NRG3: variants seen among roughly 807,000 people sequenced by gnomAD.
NRG3 encodes the protein neuregulin 3.
In NRG3, 31 loss-of-function variants were observed where a neutral mutation model predicts 66.9. The ratio of observed to expected loss-of-function variants is 0.46; its 90% CI spans 0.35 to 0.63. NRG3 has a LOEUF of 0.63. NRG3 is among the 20% of genes least tolerant of loss of function. NRG3 has a pLI of 0.00. For missense variants in NRG3, 910 were observed against 878.9 expected, an observed-to-expected ratio of 1.04 and a Z score of -0.45; for synonymous variants, 393 against 359.4, an observed-to-expected ratio of 1.09 and a Z score of -1.06.
At chr10:82,324,304 C>CT in intron 1 of NRG3, among the ~76,000 whole-genome samples, 1 of 152,180 alleles carries the variant, frequency 6.6e-6, no homozygotes, top group Admixed American at 6.5e-5. Flanking sequence ...TTTGTGTCTA[C>CT]TTTTTTCCCT....
chr10:82,949,439 C>T (rs750376743), intron 4 of NRG3, among the ~76,000 whole-genome samples: 6 of 151,726 alleles, frequency 4.0e-5, no homozygotes, highest in South Asian at 2.1e-4. Flanking sequence ...GAGAAGCCCC[C>T]GAGATGATAG....
intron 1 of NRG3, chr10:81,878,071 G>A (rs1229817606): frequency 7.2e-6 from 11 of 1,535,170 alleles, no homozygotes; most frequent in African/African-American, 2.7e-5. Flanking sequence ...GTACCATTCC[G>A]GAGGTCTTTA....
chr10:82,038,165 A>C (rs1020135164), intron 1 of NRG3, among the ~76,000 whole-genome samples: 3 of 152,284 alleles, frequency 2.0e-5, no homozygotes, highest in South Asian at 2.1e-4. Context: ...AAGCACACCC[A>C]ACATTAAGAG....
intron 3 of NRG3, among the ~76,000 whole-genome samples, chr10:82,771,332 G>A (rs2059704104): frequency 6.6e-6 from 1 of 152,066 alleles, no homozygotes. Context: ...GTTTTCAAGT[G>A]ATTAAAAATT....
intron 1 of NRG3, among the ~76,000 whole-genome samples, chr10:81,943,999 G>T (rs1848621178): frequency 6.6e-6 from 1 of 152,174 alleles, no homozygotes; most frequent in Admixed American, 6.6e-5. Context: ...TGCTGAGATG[G>T]TTATGCTCCA....
At position 82,707,846 on chromosome 10, in the gene NRG3, T is replaced by TAAAAAA. The variant is rs373670610; in HGVS notation, c.954-30710_954-30705dup. Among the ~76,000 whole-genome samples the TAAAAAA allele has an allele frequency of 1.6e-4, 13 of 82,646 alleles. 1 individual carries two copies. Among genetic ancestry groups the TAAAAAA allele is most frequent in the Admixed American group, 1.0e-3 (7 of 6,758 alleles). The allele number at this position is 82,646 out of a possible 152,430, so 54.2% of individuals were successfully genotyped here. A position where few individuals can be genotyped will look rare whatever the true frequency, so the allele number is the denominator to read the frequency against. ...CAACATGGTGAAACATCATCTCTACTAAAAAAAAAAAAAAAAAAAAAAAAA... is the reference window on the plus strand; with the variant it reads ...CAACATGGTGAAACATCATCTCTACTAAAAAAAAAAAAAAAAAAAAAAAAAAAAAAA... On this transcript the variant is annotated intron_variant, in intron 2 of 8. Transcript: ENST00000372141.
At chr10:82,738,488 T>C in intron 2 of NRG3, 89 bp from the exon 3 acceptor site, 1 of 1,016,782 alleles carries the variant, frequency 9.8e-7, no homozygotes, top group Non-Finnish European at 1.6e-6. Context: ...TGTTCTCACA[T>C]TTATGTAATT....
chr10:82,635,020 G>T (rs2050092201), intron 2 of NRG3, among the ~76,000 whole-genome samples: 1 of 152,120 alleles, frequency 6.6e-6, no homozygotes, highest in African/African-American at 2.4e-5. Context: ...ACAATTAACA[G>T]AACTAGAAAG....
intron 3 of NRG3, among the ~76,000 whole-genome samples, chr10:82,775,750 C>A (rs1050338933): frequency 1.3e-5 from 2 of 151,996 alleles, no homozygotes; most frequent in African/African-American, 2.4e-5. Context: ...TATTGAAGTT[C>A]CCTACTATTA....
chr10:81,902,179 A>G lies in NRG3; in HGVS notation c.823+26016A>G, dbSNP rs181305971. On this transcript the variant is annotated intron_variant, in intron 1 of 8. Transcript: ENST00000372141. Reference sequence around the variant, plus strand: ...ATAGTTTCTTTTCTTATAGATCCATATCACAGGCATGATTCTCCAGCTGAA... The same window carrying G: ...ATAGTTTCTTTTCTTATAGATCCATGTCACAGGCATGATTCTCCAGCTGAA... Among the ~76,000 whole-genome samples, 175 of 152,304 alleles carry G rather than the reference A, an allele frequency of 1.1e-3. 1 individual carries two copies. Among genetic ancestry groups the G allele is most frequent in the Middle Eastern group, 0.01 (3 of 294 alleles).
At chr10:81,946,862 T>C (rs1435802804) in intron 1 of NRG3, among the ~76,000 whole-genome samples, 1 of 152,188 alleles carries the variant, frequency 6.6e-6, no homozygotes. Flanking sequence ...AACCACGGGC[T>C]CTTGCTTAGG....
At chr10:82,922,672 A>C (rs2132078592) in intron 4 of NRG3, among the ~76,000 whole-genome samples, 1 of 152,266 alleles carries the variant, frequency 6.6e-6, no homozygotes, top group South Asian at 2.1e-4. Flanking sequence ...CTTAGTATTT[A>C]GTGTTTTGAA....
intron 1 of NRG3, among the ~76,000 whole-genome samples, chr10:81,904,530 A>T (rs1164982961): frequency 6.6e-6 from 1 of 152,072 alleles, no homozygotes; most frequent in Non-Finnish European, 1.5e-5. Context: ...TCATTGAATT[A>T]CTGTCTCATT....
chr10:82,354,653 A>G (rs1239802564), intron 1 of NRG3, among the ~76,000 whole-genome samples: 1 of 152,024 alleles, frequency 6.6e-6, no homozygotes, highest in East Asian at 1.9e-4. Flanking sequence ...TGGCCTCCCA[A>G]ATTGCTATGA....
chr10:82,034,175 A>C (rs1006931086), intron 1 of NRG3, among the ~76,000 whole-genome samples: 3 of 152,094 alleles, frequency 2.0e-5, no homozygotes, highest in Non-Finnish European at 4.4e-5. Flanking sequence ...TGAATCTCTA[A>C]TCTGTTAGTA....
chr10:82,579,924 A>G (rs1444390131), intron 2 of NRG3, among the ~76,000 whole-genome samples: 1 of 151,984 alleles, frequency 6.6e-6, no homozygotes, highest in South Asian at 2.1e-4. Flanking sequence ...GAATATCAAT[A>G]CAGTCACTCC....
chr10:82,754,751 C>T (rs543397747), intron 3 of NRG3, among the ~76,000 whole-genome samples: 16 of 152,070 alleles, frequency 1.1e-4, no homozygotes, highest in African/African-American at 3.9e-4. Flanking sequence ...TCTTTCTATT[C>T]TGTGGGGTGT....
intron 1 of NRG3, among the ~76,000 whole-genome samples, chr10:82,173,499 C>T (rs1037102587): frequency 6.6e-6 from 1 of 151,968 alleles, no homozygotes; most frequent in Non-Finnish European, 1.5e-5. Context: ...AACATAGCAA[C>T]ACAATCTTAT....
chr10:82,447,220 C>T (rs997949159), intron 2 of NRG3, among the ~76,000 whole-genome samples: 23 of 152,176 alleles, frequency 1.5e-4, no homozygotes, highest in African/African-American at 4.1e-4. Context: ...AGTGCCAAAA[C>T]GAGCTTCTTT....
Sources: gnomAD v4.1 joint callset for allele counts (sites outside exome capture counted in the v4.1 genomes callset) on GRCh38, gnomAD v4.1.1 for gene constraint, MANE v1.5 for transcripts, NCBI Gene and HGNC (gene_info 2026-07-23, HGNC 2026-07-21) for gene names.